Variants in PDE1C observed in about 807,000 individuals in gnomAD.
PDE1C encodes the protein phosphodiesterase 1C.
PDE1C carries 62 observed loss-of-function variants against 93.1 expected under a neutral mutation model. The ratio of observed to expected loss-of-function variants is 0.67; its 90% CI spans 0.54 to 0.82. PDE1C has a LOEUF of 0.82. Among genes scored for constraint, PDE1C ranks in the 40% least tolerant of loss-of-function variants. PDE1C has a pLI of 0.00. For missense variants in PDE1C, 742 were observed against 884.6 expected, an observed-to-expected ratio of 0.84 and a Z score of 2.04; for synonymous variants, 325 against 310.1, an observed-to-expected ratio of 1.05 and a Z score of -0.50.
At chr7:31,981,731 A>G (rs761213669) in intron 2 of PDE1C, among the ~76,000 whole-genome samples, 6 of 152,220 alleles carry the variant, frequency 3.9e-5, no homozygotes, top group African/African-American at 9.6e-5. Flanking sequence ...CACTACACAC[A>G]TATAGTTGTA....
At chr7:32,061,632 GCTCAT>G (rs1450414281) in intron 1 of PDE1C, among the ~76,000 whole-genome samples, 1 of 152,230 alleles carries the variant, frequency 6.6e-6, no homozygotes, top group Admixed American at 6.5e-5. Flanking sequence ...CGTGATGAGG[GCTCAT>G]CCCATTTGGC....
intron 2 of PDE1C, among the ~76,000 whole-genome samples, chr7:32,170,463 C>A (rs896619536): frequency 2.6e-5 from 4 of 151,996 alleles, no homozygotes; most frequent in Non-Finnish European, 5.9e-5. Context: ...ACTTCAAACA[C>A]GTGAGATAAA....
At chr7:32,274,907 T>C (rs1333548278) in intron 1 of PDE1C, among the ~76,000 whole-genome samples, 1 of 152,260 alleles carries the variant, frequency 6.6e-6, no homozygotes, top group Admixed American at 6.5e-5. Flanking sequence ...ATGCATATAA[T>C]GTTTTTAAGT....
At chr7:31,727,901 G>A in the PDE1C span, among the ~76,000 whole-genome samples, 16 of 152,126 alleles carry the variant, frequency 1.1e-4, no homozygotes, top group Middle Eastern at 3.4e-3. Context: ...AAAATTAGCC[G>A]GGCGTGGTGG....
rs533218377 is a variant in PDE1C, at chr7:32,121,682, G to C, written c.308+48103C>G. The stretch of plus-strand genomic sequence containing the variant: ...AGACAAGCAAAGGCTGAGGGATTTC[G>C]TCACCACCAGGCCTGCCTTGCAAGA... On this transcript the variant is annotated intron_variant, in intron 3 of 18. Coordinates refer to the PDE1C transcript ENST00000396193. Among the ~76,000 whole-genome samples, 5 of 152,188 alleles carry C rather than the reference G, an allele frequency of 3.3e-5. No individual in the cohort carries two copies. In the East Asian group the frequency reaches 7.7e-4, roughly 24 times the overall value.
intron 3 of PDE1C, among the ~76,000 whole-genome samples, chr7:32,138,682 TAAAA>T (rs912814145): frequency 3.9e-5 from 6 of 152,202 alleles, no homozygotes; most frequent in African/African-American, 1.2e-4. Flanking sequence ...ATTAATTAAT[TAAAA>T]CTCACTGCAA....
intron 2 of PDE1C, among the ~76,000 whole-genome samples, chr7:31,942,469 T>C (rs761095644): frequency 2.0e-5 from 3 of 152,144 alleles, no homozygotes; most frequent in Non-Finnish European, 2.9e-5. Flanking sequence ...GCTATTTGAA[T>C]TCCCAGAAGA....
At chr7:31,984,288 G>T (rs1356331411) in intron 2 of PDE1C, among the ~76,000 whole-genome samples, 1 of 152,122 alleles carries the variant, frequency 6.6e-6, no homozygotes, top group Non-Finnish European at 1.5e-5. Context: ...GTGCACATGA[G>T]GGATCTAGAT....
At chr7:32,096,898 T>G (rs1346092293) in intron 3 of PDE1C, among the ~76,000 whole-genome samples, 2 of 151,820 alleles carry the variant, frequency 1.3e-5, no homozygotes. Context: ...AAGAGATTTA[T>G]TATAACAAAT....
At chr7:31,799,764 G>T (rs1016347035) in intron 16 of PDE1C, among the ~76,000 whole-genome samples, 1 of 151,546 alleles carries the variant, frequency 6.6e-6, no homozygotes, top group African/African-American at 2.4e-5. Flanking sequence ...AAGAATACTG[G>T]CTACCCTGCC....
At chr7:31,713,506 G>A in the PDE1C span, among the ~76,000 whole-genome samples, 1 of 152,218 alleles carries the variant, frequency 6.6e-6, no homozygotes, top group African/African-American at 2.4e-5. Flanking sequence ...CCATTCTGGG[G>A]TCTGGAGGAC....
the PDE1C span, chr7:31,695,524 G>A: frequency 1.2e-6 from 2 of 1,613,538 alleles, no homozygotes; most frequent in Non-Finnish European, 1.7e-6. Context: ...AGCCTAGAAA[G>A]GGAAAAAATG....
At chr7:32,376,526 A>G (rs541601062) in intron 1 of PDE1C, among the ~76,000 whole-genome samples, 1 of 152,276 alleles carries the variant, frequency 6.6e-6, no homozygotes, top group East Asian at 1.9e-4. Flanking sequence ...CTCATGGTAG[A>G]TCCACCAGGC....
intron 16 of PDE1C, among the ~76,000 whole-genome samples, chr7:31,793,656 G>T (rs1257449309): frequency 6.7e-6 from 1 of 148,766 alleles, no homozygotes; most frequent in Non-Finnish European, 1.5e-5. Context: ...GACTTCTATT[G>T]GGCATATGAA....
intron 3 of PDE1C, among the ~76,000 whole-genome samples, chr7:32,094,575 G>T (rs1242949504): frequency 6.6e-6 from 1 of 152,188 alleles, no homozygotes; most frequent in Non-Finnish European, 1.5e-5. Context: ...CAGCCTCAGA[G>T]AGTGGCTAAG....
rs1584561257 is a variant in PDE1C at position 32,040,921 on chromosome 7, C to G, written c.128+10633G>C. 2.6e-5 allele frequency among the ~76,000 whole-genome samples: 4 copies of G among 152,250 alleles called. 1 individual carries two copies. In the South Asian group the frequency reaches 8.3e-4, roughly 32 times the overall value. On this transcript the variant is annotated intron_variant, in intron 2 of 17. Transcript: ENST00000396191. ...ATCCCTTGTTAAGGCTGATTCCATG[C>G]TTTAGTAAATAAGATCCAGACTCTG...
the PDE1C span, among the ~76,000 whole-genome samples, chr7:31,721,091 A>G: frequency 6.6e-6 from 1 of 152,232 alleles, no homozygotes; most frequent in Non-Finnish European, 1.5e-5. Flanking sequence ...AATCAATGTT[A>G]ACTACATAAT....
At chr7:31,728,184 A>T in the PDE1C span, among the ~76,000 whole-genome samples, 6 of 152,200 alleles carry the variant, frequency 3.9e-5, no homozygotes, top group Non-Finnish European at 8.8e-5. Context: ...CTTGCACTCA[A>T]GTCTCTCAGG....
At chr7:31,873,758 T>C (rs534034076) in intron 5 of PDE1C, among the ~76,000 whole-genome samples, 1 of 152,292 alleles carries the variant, frequency 6.6e-6, no homozygotes, top group Non-Finnish European at 1.5e-5. Context: ...ATTACCTAAT[T>C]TCCCTAACAC....
Sources: gnomAD v4.1 joint callset for allele counts (sites outside exome capture counted in the v4.1 genomes callset) on GRCh38, gnomAD v4.1.1 for gene constraint, MANE v1.5 for transcripts, NCBI Gene and HGNC (gene_info 2026-07-23, HGNC 2026-07-21) for gene names.